The following DGKB variants were observed in gnomAD, a reference collection of about 807,000 sequenced individuals.
DGKB encodes 90 kDa diacylglycerol kinase.
In DGKB, 67 loss-of-function variants were observed where a neutral mutation model predicts 114.3. The observed-to-expected ratio is 0.59, with a 90% confidence interval of 0.48 to 0.72. The LOEUF (loss-of-function observed/expected upper bound fraction) is 0.72, where lower values mean the gene tolerates loss of function less well. DGKB is among the 30% of genes least tolerant of loss of function. DGKB has a pLI of 0.00. For synonymous variants in DGKB, 398 were observed against 323.1 expected (o/e 1.23, Z -2.49); for missense variants, 907 against 975.2 (o/e 0.93, Z 0.93).
At chr7:14,512,449 C>A (rs1387352338) in intron 20 of DGKB, among the ~76,000 whole-genome samples, 6 of 152,076 alleles carry the variant, frequency 3.9e-5, no homozygotes, top group African/African-American at 1.4e-4. Flanking sequence ...TAAGAGATAG[C>A]CTTACTCTTA....
At chr7:14,533,458 T>A (rs759536465) in intron 20 of DGKB, among the ~76,000 whole-genome samples, 1 of 151,510 alleles carries the variant, frequency 6.6e-6, no homozygotes, top group Non-Finnish European at 1.5e-5. Context: ...TGAGAAGAGA[T>A]AAGAAAAGGG....
chr7:14,501,160 G>T (rs1786106691), intron 20 of DGKB, among the ~76,000 whole-genome samples: 1 of 151,736 alleles, frequency 6.6e-6, no homozygotes, highest in Admixed American at 6.6e-5. Context: ...TGGGATCTAG[G>T]GTTATAGGAA....
chr7:14,412,259 A>G (rs1450818316), intron 21 of DGKB, among the ~76,000 whole-genome samples: 1 of 152,214 alleles, frequency 6.6e-6, no homozygotes, highest in Non-Finnish European at 1.5e-5. Context: ...ACAAACACAA[A>G]TTTGTACAGC....
intron 5 of DGKB, among the ~76,000 whole-genome samples, chr7:14,733,524 T>TA (rs1458798621): frequency 1.3e-5 from 2 of 151,948 alleles, no homozygotes; most frequent in Non-Finnish European, 2.9e-5. Context: ...CTATCTCTAC[T>TA]AAAAATACAA....
At chr7:14,361,504 T>A (rs1008852906) in intron 21 of DGKB, among the ~76,000 whole-genome samples, 1 of 152,030 alleles carries the variant, frequency 6.6e-6, no homozygotes, top group Non-Finnish European at 1.5e-5. Context: ...TATCATGATC[T>A]GTTTTTGTTG....
At chr7:14,202,864 A>G (rs1786120205) in intron 23 of DGKB, among the ~76,000 whole-genome samples, 1 of 151,910 alleles carries the variant, frequency 6.6e-6, no homozygotes, top group South Asian at 2.1e-4. Context: ...CAGATAAGTC[A>G]CCATGCAAGA....
At chr7:14,734,187 A>G (rs1429165397) in intron 5 of DGKB, among the ~76,000 whole-genome samples, 3 of 127,412 alleles carry the variant, frequency 2.4e-5, no homozygotes, top group African/African-American at 7.7e-5. Context: ...GGCGCCTGCC[A>G]CCATGCCCGG....
chr7:14,508,596 T>C (rs1330593599), intron 20 of DGKB, among the ~76,000 whole-genome samples: 1 of 152,166 alleles, frequency 6.6e-6, no homozygotes, highest in Non-Finnish European at 1.5e-5. Context: ...TAGCAACTAC[T>C]GTAAAAGGCT....
chr7:14,319,071 G>C (rs1047181101), intron 23 of DGKB, among the ~76,000 whole-genome samples: 17 of 150,920 alleles, frequency 1.1e-4, no homozygotes, highest in Admixed American at 9.3e-4. Context: ...CTCACTCATA[G>C]GTGGGAATTG....
intron 2 of DGKB, among the ~76,000 whole-genome samples, chr7:14,765,982 T>C (rs936234349): frequency 2.0e-5 from 3 of 151,912 alleles, no homozygotes; most frequent in South Asian, 2.1e-4. Context: ...AATGTGGAGT[T>C]GGGAAAGAAT....
chr7:14,179,027 G>A (rs1782236879), intron 23 of DGKB, among the ~76,000 whole-genome samples: 2 of 152,154 alleles, frequency 1.3e-5, no homozygotes, highest in Admixed American at 6.5e-5. Context: ...AAGTGACAGA[G>A]CCAAAAAGTG....
chr7:14,418,365 GTGTGTGTA>G (rs1826093489), intron 21 of DGKB, among the ~76,000 whole-genome samples: 1 of 86,394 alleles, frequency 1.2e-5, no homozygotes, highest in Admixed American at 1.2e-4. Context: ...ATATATATGT[GTGTGTGTA>G]TATATATATA....
chr7:14,964,426 G>T (rs1787035186), intron 1 of DGKB, among the ~76,000 whole-genome samples: 1 of 152,186 alleles, frequency 6.6e-6, no homozygotes, highest in Non-Finnish European at 1.5e-5. Context: ...CATGAGCCCA[G>T]AAGGCAGAGT....
intron 23 of DGKB, among the ~76,000 whole-genome samples, chr7:14,229,393 T>C (rs1005383271): frequency 3.9e-5 from 6 of 151,988 alleles, no homozygotes; most frequent in Non-Finnish European, 8.8e-5. Flanking sequence ...CTGTAGGCAA[T>C]GGTAACTTAA....
chr7:14,868,784 G>C (rs7802899), intron 1 of DGKB, among the ~76,000 whole-genome samples: 12,111 of 152,120 alleles, frequency 0.08, 804 homozygotes, highest in East Asian at 0.29. Context: ...TGGGAAAATG[G>C]TGACTACCTC....
chr7:14,750,126 T>C (rs1205999143), intron 4 of DGKB: 1 of 518,450 alleles, frequency 1.9e-6, no homozygotes, highest in Non-Finnish European at 3.9e-6. Context: ...TCAGAAAAGT[T>C]CCTTAAATTG....
chr7:14,720,466 G>A (rs916088635), intron 5 of DGKB, among the ~76,000 whole-genome samples: 7 of 142,602 alleles, frequency 4.9e-5, no homozygotes, highest in Non-Finnish European at 7.5e-5. Flanking sequence ...CACCACGCCC[G>A]GCTGATTTGT....
chr7:14,911,931 A>G (rs1319168208), intron 1 of DGKB, among the ~76,000 whole-genome samples: 1 of 152,214 alleles, frequency 6.6e-6, no homozygotes, highest in African/African-American at 2.4e-5. Context: ...TGCCAGAAAA[A>G]AGGAAAGTCT....
In DGKB at chr7:14,296,272, C is replaced by T. The variant is rs528534901; in HGVS notation, c.2122+42243G>A. Among the ~76,000 whole-genome samples the T allele has an allele frequency of 9.5e-4, 144 of 152,012 alleles. 1 individual carries two copies. The highest frequency in any genetic ancestry group is 3.3e-3 in the African/African-American group (138 of 41,468). Reference sequence around the variant, plus strand: ...GTCTCAATCTCCTGACCTTGTGGCCCACCCACCTCAGCCTCCCAAAGTGCT... The same window carrying T: ...GTCTCAATCTCCTGACCTTGTGGCCTACCCACCTCAGCCTCCCAAAGTGCT... On this transcript the variant is annotated intron_variant, in intron 23 of 25. Transcript: ENST00000402815.
Sources: allele counts gnomAD v4.1 joint callset (sites outside exome capture counted in the v4.1 genomes callset), GRCh38; gene constraint gnomAD v4.1.1; transcripts MANE v1.5; gene names NCBI Gene and HGNC (gene_info 2026-07-23, HGNC 2026-07-21).